FBXL13: variants seen among roughly 807,000 people sequenced by gnomAD.
The protein encoded by FBXL13 is F-box and leucine-rich repeat protein 13.
Under a neutral mutation model 83.6 loss-of-function variants are expected in FBXL13, and 67 were observed. The ratio of observed to expected loss-of-function variants is 0.80; its 90% CI spans 0.66 to 0.98. FBXL13 has a LOEUF of 0.98. FBXL13 is among the 50% of genes least tolerant of loss of function. The pLI, the probability that FBXL13 is intolerant of heterozygous loss-of-function variation, is 0.00. For missense variants in FBXL13, 822 were observed against 866.5 expected (o/e 0.95, Z 0.64); for synonymous variants, 272 against 299.5 (o/e 0.91, Z 0.95).
At chr7:102,944,089 A>G in intron 8 of FBXL13, 1 of 767,346 alleles carries the variant, frequency 1.3e-6, no homozygotes, top group Non-Finnish European at 2.0e-6. Flanking sequence ...AGGAAAAGAA[A>G]TCTCTTTATT....
chr7:103,006,536 G>A (rs1791009331), intron 6 of FBXL13, among the ~76,000 whole-genome samples: 1 of 152,170 alleles, frequency 6.6e-6, no homozygotes, highest in Non-Finnish European at 1.5e-5. Flanking sequence ...TAACCTTAGT[G>A]TGAAAGTTAC....
At chr7:103,014,904 A>T (rs1366731962) in intron 6 of FBXL13, among the ~76,000 whole-genome samples, 2 of 144,384 alleles carry the variant, frequency 1.4e-5, no homozygotes, top group Admixed American at 7.0e-5. Context: ...AGCCTGGGCG[A>T]CAGGGAGACT....
intron 8 of FBXL13, chr7:102,942,464 C>A: frequency 1.4e-6 from 1 of 737,436 alleles, no homozygotes; most frequent in Non-Finnish European, 2.1e-6. Flanking sequence ...GTTTTTACCT[C>A]CTTTAAGAAA....
rs573011975 is a variant in FBXL13, at chr7:102,880,658, T to C, written c.1389-2208A>G. Among the ~76,000 whole-genome samples the C allele has an allele frequency of 1.2e-4, 19 of 152,370 alleles. 1 individual carries two copies. The highest frequency in any genetic ancestry group is 9.1e-4 in the Admixed American group (14 of 15,308). ...AAGGTCAAATGTATCTTGCTGTTTC[T>C]GTGACTCTTTCTCATGGTGACTTAT... On this transcript the variant is annotated intron_variant, in intron 14 of 19. Transcript: ENST00000313221.
chr7:102,904,390 T>C, intron 11 of FBXL13, among the ~76,000 whole-genome samples: 1 of 151,968 alleles, frequency 6.6e-6, no homozygotes, highest in South Asian at 2.1e-4. Context: ...TCTTTTATTC[T>C]TTTTCTTTTT....
intron 11 of FBXL13, among the ~76,000 whole-genome samples, chr7:102,894,990 A>T (rs1021353852): frequency 1.3e-5 from 2 of 152,144 alleles, no homozygotes; most frequent in African/African-American, 2.4e-5. Flanking sequence ...AGCTTATCAA[A>T]GTCCTACTAT....
chr7:102,837,109 A>T (rs1802118574), intron 17 of FBXL13, among the ~76,000 whole-genome samples: 1 of 152,254 alleles, frequency 6.6e-6, no homozygotes, highest in Non-Finnish European at 1.5e-5. Flanking sequence ...GGCATATCCC[A>T]AGATATCTAC....
chr7:103,061,696 TG>T (rs147423949), intron 1 of FBXL13, among the ~76,000 whole-genome samples: 7,596 of 151,976 alleles, frequency 0.05, 277 homozygotes, highest in East Asian at 0.21. Context: ...TCCCAACACC[TG>T]GGAGGCCAAG....
chr7:102,958,990 T>C (rs1452999214), intron 8 of FBXL13, among the ~76,000 whole-genome samples: 1 of 152,122 alleles, frequency 6.6e-6, no homozygotes, highest in African/African-American at 2.4e-5. Flanking sequence ...ATATCCCTGC[T>C]ACTTTTCAAC....
At chr7:102,874,234 C>T (rs1584732164) in intron 16 of FBXL13, 1 of 474,746 alleles carries the variant, frequency 2.1e-6, no homozygotes, top group South Asian at 9.0e-5. Context: ...GTCAAATTTG[C>T]ACTTACTCAG....
chr7:102,886,048 T>A (rs1346773173), intron 11 of FBXL13, among the ~76,000 whole-genome samples: 1 of 152,236 alleles, frequency 6.6e-6, no homozygotes, highest in Non-Finnish European at 1.5e-5. Context: ...TTTCTTTCTT[T>A]TCAACTATCA....
intron 18 of FBXL13, among the ~76,000 whole-genome samples, chr7:102,825,647 C>T (rs1045621198): frequency 2.6e-5 from 4 of 152,182 alleles, no homozygotes; most frequent in Admixed American, 1.3e-4. Context: ...TTATACCCAT[C>T]TATAATGCTA....
chr7:102,935,809 G>T (rs1426373389), intron 8 of FBXL13, among the ~76,000 whole-genome samples: 1 of 152,136 alleles, frequency 6.6e-6, no homozygotes, highest in Non-Finnish European at 1.5e-5. Context: ...ATTAAGTGAG[G>T]TTCATATAGA....
chr7:102,989,338 G>A (rs565897108), intron 6 of FBXL13, among the ~76,000 whole-genome samples: 1 of 152,262 alleles, frequency 6.6e-6, no homozygotes, highest in East Asian at 1.9e-4. Context: ...AGAATGCATC[G>A]CAAAGTCAAC....
chr7:103,003,230 C>G (rs373795116), intron 6 of FBXL13, among the ~76,000 whole-genome samples: 4 of 149,830 alleles, frequency 2.7e-5, no homozygotes, highest in African/African-American at 9.9e-5. Context: ...TTTCTCAGTT[C>G]CAGGATTTCT....
intron 11 of FBXL13, among the ~76,000 whole-genome samples, chr7:102,887,645 T>C (rs1389168865): frequency 2.0e-5 from 3 of 152,338 alleles, no homozygotes; most frequent in Non-Finnish European, 1.5e-5. Context: ...CTTGGAGACC[T>C]GTCTTTATTC....
rs548565982 is a variant in FBXL13 at position 102,884,478 on chromosome 7, T to A, written c.1009-166A>T. Reference sequence around the variant, plus strand: ...GAATCTAGTCTTGATTTCTTTTTTTTATTTAATTTTTTATCGAGGTAAAAT... The same window carrying A: ...GAATCTAGTCTTGATTTCTTTTTTTAATTTAATTTTTTATCGAGGTAAAAT... On this transcript the variant is annotated intron_variant, in intron 11 of 19. Coordinates refer to ENST00000313221, the Ensembl canonical transcript of FBXL13. Among the ~76,000 whole-genome samples the A allele has an allele frequency of 3.9e-5, 6 of 152,324 alleles. No individual in the cohort carries two copies. The East Asian group carries it at 1.2e-3, about 29-fold the overall frequency.
intron 6 of FBXL13, among the ~76,000 whole-genome samples, chr7:102,980,856 AAG>A (rs1265125954): frequency 1.2e-4 from 19 of 152,210 alleles, no homozygotes; most frequent in Non-Finnish European, 1.5e-5. Context: ...GCGTTTAACA[AAG>A]AATATGACAC....
intron 11 of FBXL13, among the ~76,000 whole-genome samples, chr7:102,904,835 T>C (rs1411462241): frequency 6.6e-6 from 1 of 152,180 alleles, no homozygotes; most frequent in East Asian, 1.9e-4. Flanking sequence ...TTTCAAGAAA[T>C]TTTTCAATTT....
Sources: gnomAD v4.1 joint callset for allele counts (sites outside exome capture counted in the v4.1 genomes callset) on GRCh38, gnomAD v4.1.1 for gene constraint, MANE v1.5 for transcripts, NCBI Gene and HGNC (gene_info 2026-07-23, HGNC 2026-07-21) for gene names.